The following IL1RAPL2 variants were observed in gnomAD, a reference collection of about 807,000 sequenced individuals.
The protein encoded by IL1RAPL2 is X-linked interleukin-1 receptor accessory protein-like 2.
IL1RAPL2 carries 3 observed loss-of-function variants against 44.1 expected under a neutral mutation model. The ratio of observed to expected loss-of-function variants is 0.07; its 90% confidence interval spans 0.03 to 0.18. IL1RAPL2 has a LOEUF of 0.18. Ranked by LOEUF, IL1RAPL2 falls within the 10% of genes least tolerant of loss-of-function variation. The pLI is 1.00. For missense variants in IL1RAPL2, 391 were observed against 496.4 expected, an observed-to-expected ratio of 0.79 and a Z score of 2.02; for synonymous variants, 181 against 178.8, an observed-to-expected ratio of 1.01 and a Z score of -0.10.
chrX:104,812,939 C>T (rs1014312395), intron 2 of IL1RAPL2, among the ~76,000 whole-genome samples: 2 of 111,401 alleles, frequency 1.8e-5, no homozygotes, highest in African/African-American at 6.5e-5. Context: ...GTTCTTATGT[C>T]ACTGGACTAT....
intron 2 of IL1RAPL2, among the ~76,000 whole-genome samples, chrX:105,024,839 T>C (rs2031340032): frequency 9.0e-6 from 1 of 111,559 alleles, no homozygotes; most frequent in South Asian, 3.7e-4. Flanking sequence ...TTAGTTGTTA[T>C]CTTTCTGTTA....
chrX:105,407,673 A>G (rs1334553118), intron 5 of IL1RAPL2, among the ~76,000 whole-genome samples: 1 of 111,741 alleles, frequency 8.9e-6, no homozygotes, highest in Non-Finnish European at 1.9e-5. Context: ...AATTAAAGTA[A>G]TATCCAGTTC....
At chrX:104,675,022 A>T (rs1235215081) in intron 2 of IL1RAPL2, among the ~76,000 whole-genome samples, 19 of 110,134 alleles carry the variant, frequency 1.7e-4, no homozygotes, top group Non-Finnish European at 3.4e-4. Context: ...GCGGTCTATC[A>T]ATTTTGTTGA....
At chrX:105,615,945 A>C (rs2037373037) in intron 6 of IL1RAPL2, among the ~76,000 whole-genome samples, 1 of 111,971 alleles carries the variant, frequency 8.9e-6, no homozygotes, top group African/African-American at 3.2e-5. Flanking sequence ...GTAGTCCAAA[A>C]TATATGCACC....
At chrX:104,635,594 G>C (rs1929781260) in intron 1 of IL1RAPL2, among the ~76,000 whole-genome samples, 1 of 111,180 alleles carries the variant, frequency 9.0e-6, no homozygotes, top group Non-Finnish European at 1.9e-5. Context: ...TCATTCATTT[G>C]ATCTTCCATC....
intron 2 of IL1RAPL2, among the ~76,000 whole-genome samples, chrX:104,850,702 CTT>C (rs1228525852): frequency 9.0e-6 from 1 of 111,422 alleles, no homozygotes; most frequent in African/African-American, 3.3e-5. Context: ...CTTTGAGACT[CTT>C]TTTAAAAAAT....
intron 2 of IL1RAPL2, among the ~76,000 whole-genome samples, chrX:105,101,408 G>T (rs897188351): frequency 8.9e-6 from 1 of 111,871 alleles, no homozygotes; most frequent in Non-Finnish European, 1.9e-5. Context: ...TTATGGGGAA[G>T]GATGCCGCAT....
chrX:105,314,172 ATGTTACAATGAATGTCTCTAAC>A (rs1391595185), intron 5 of IL1RAPL2, among the ~76,000 whole-genome samples: 2 of 111,613 alleles, frequency 1.8e-5, no homozygotes, highest in Non-Finnish European at 3.8e-5. Context: ...AGAAAAGTAA[ATGTTACAATGAATGTCTCTAAC>A]TGTGGCAAAG....
intron 5 of IL1RAPL2, among the ~76,000 whole-genome samples, chrX:105,463,045 G>T (rs1319838747): frequency 1.8e-5 from 2 of 111,680 alleles, no homozygotes; most frequent in African/African-American, 3.2e-5. Flanking sequence ...TTAATTCTGT[G>T]AAGTTTGATT....
At chrX:104,805,415 C>A (rs1013406476) in intron 2 of IL1RAPL2, among the ~76,000 whole-genome samples, 5 of 111,910 alleles carry the variant, frequency 4.5e-5, no homozygotes, top group African/African-American at 1.6e-4. Flanking sequence ...AGGGTAGGGG[C>A]AATTTGATAG....
rs779853071 is a variant in IL1RAPL2, at chrX:105,418,643, G to A, written c.698-65670G>A. ...GGACTAATTTTCACAGAATTAGAAG[G>A]CAGTAAAATATACTCACCACTGCAA... On this transcript the variant is annotated intron_variant, in intron 5 of 10. Transcript: ENST00000372582. 2.7e-5 allele frequency among the ~76,000 whole-genome samples: 3 copies of A among 111,561 alleles called. No homozygotes were observed. In the South Asian group the frequency reaches 1.1e-3, roughly 42 times the overall value.
chrX:105,541,030 G>T (rs1015318360), intron 6 of IL1RAPL2, among the ~76,000 whole-genome samples: 44 of 100,593 alleles, frequency 4.4e-4, no homozygotes, highest in African/African-American at 1.5e-3. Context: ...ATTGCCATTT[G>T]CTTAGTCAGG....
chrX:105,136,711 T>C (rs746470282), intron 2 of IL1RAPL2, among the ~76,000 whole-genome samples: 3 of 112,464 alleles, frequency 2.7e-5, no homozygotes, highest in African/African-American at 9.7e-5. Context: ...CATTGTCTTC[T>C]AACTCCTCTT....
chrX:105,171,305 G>C (rs2033421109), intron 2 of IL1RAPL2, among the ~76,000 whole-genome samples: 1 of 110,943 alleles, frequency 9.0e-6, no homozygotes, highest in Admixed American at 9.6e-5. Flanking sequence ...GCCCATGGTA[G>C]GAGAAGTTTC....
chrX:105,670,236 T>G (rs1175995770), intron 6 of IL1RAPL2, among the ~76,000 whole-genome samples: 1 of 91,545 alleles, frequency 1.1e-5, no homozygotes, highest in Admixed American at 1.2e-4. Flanking sequence ...TTTTTTTTTT[T>G]GCAATACTGT....
intron 2 of IL1RAPL2, among the ~76,000 whole-genome samples, chrX:104,663,419 A>G (rs1482830548): frequency 1.5e-4 from 17 of 111,392 alleles, no homozygotes; most frequent in Non-Finnish European, 1.9e-5. Flanking sequence ...TGTTTTATTT[A>G]AAAATGCTGG....
intron 2 of IL1RAPL2, among the ~76,000 whole-genome samples, chrX:105,043,039 G>A (rs1469498556): frequency 1.2e-4 from 11 of 90,723 alleles, no homozygotes; most frequent in African/African-American, 3.3e-4. Context: ...GAGAACACAT[G>A]GACACAGGAA....
At chrX:104,659,605 A>G (rs1333119040) in intron 2 of IL1RAPL2, among the ~76,000 whole-genome samples, 3 of 112,150 alleles carry the variant, frequency 2.7e-5, no homozygotes, top group Admixed American at 9.5e-5. Context: ...GTTTAATAAT[A>G]CTTGGATATA....
At chrX:105,584,959 T>C (rs2037116285) in intron 6 of IL1RAPL2, among the ~76,000 whole-genome samples, 1 of 111,313 alleles carries the variant, frequency 9.0e-6, no homozygotes, top group South Asian at 3.8e-4. Flanking sequence ...TTCGTCCTTC[T>C]GTATGATTCC....
Sources: allele counts gnomAD v4.1 joint callset (sites outside exome capture counted in the v4.1 genomes callset), GRCh38; gene constraint gnomAD v4.1.1; transcripts MANE v1.5; gene names NCBI Gene and HGNC (gene_info 2026-07-23, HGNC 2026-07-21).